The following FA2H variants were observed in gnomAD, a reference collection of about 807,000 sequenced individuals.
The protein encoded by FA2H is fatty acid 2-hydroxylase.
FA2H carries 22 observed loss-of-function variants against 44.9 expected under a neutral mutation model. That is an observed-to-expected ratio of 0.49 (90% confidence interval 0.35 to 0.70). The LOEUF is 0.70. Among genes scored for constraint, FA2H ranks in the 30% least tolerant of loss-of-function variants. The pLI, the probability that FA2H is intolerant of heterozygous loss-of-function variation, is 0.01. For missense variants in FA2H, 501 were observed against 504.9 expected (o/e 0.99, Z 0.07); for synonymous variants, 243 against 213.2 (o/e 1.14, Z -1.22).
chr16:74,725,001 G>C (rs1319100324), intron 4 of FA2H, among the ~76,000 whole-genome samples: 3 of 152,204 alleles, frequency 2.0e-5, no homozygotes, highest in Admixed American at 6.5e-5. Context: ...TGATTGTTAG[G>C]GGAGTGCCGG....
At chr16:74,736,851 T>C (rs1962192927) in intron 2 of FA2H, among the ~76,000 whole-genome samples, 1 of 152,074 alleles carries the variant, frequency 6.6e-6, no homozygotes, top group African/African-American at 2.4e-5. Flanking sequence ...CAGGACCTTG[T>C]GGAGGGGAGG....
chr16:74,730,728 C>G (rs766957253), intron 2 of FA2H, among the ~76,000 whole-genome samples: 59 of 152,212 alleles, frequency 3.9e-4, no homozygotes, highest in Non-Finnish European at 6.3e-4. Flanking sequence ...GCTACAGTAG[C>G]ACTCAGAGCT....
At chr16:74,719,260 G>A in intron 4 of FA2H, 100 bp from the exon 5 acceptor site, 2 of 1,052,824 alleles carry the variant, frequency 1.9e-6, no homozygotes, top group Non-Finnish European at 2.8e-6. Flanking sequence ...GGGAGCTGCT[G>A]CCCTCTGTTG....
At chr16:74,714,896 G>A (rs578186163) in intron 6 of FA2H, among the ~76,000 whole-genome samples, 4 of 150,706 alleles carry the variant, frequency 2.7e-5, no homozygotes, top group South Asian at 4.2e-4. Context: ...GAGTGCACTG[G>A]TGTGATCTTG....
Position 74,719,015 on chromosome 16 carries a change from G to C in FA2H, c.759C>G (p.His253Gln), listed in dbSNP as rs1567633804. ...TGTGGTGCTGGCCGTGCATGACGAA[G>C]TGCAGCATGATGAGGTAATAGCTGT... ...PSDSYYLIML[H>Q]FVMHGQHHKA... Residue 253 changes from histidine to glutamine, a missense_variant, in exon 5 of 7, where the codon CAC (histidine) becomes CAG (glutamine). By Grantham distance (24) the His-to-Gln change is conservative. Transcript: ENST00000219368. The C allele has an allele frequency of 6.2e-7, 1 of 1,613,828 alleles. No individual in the cohort carries two copies. The highest frequency in any genetic ancestry group is 8.5e-7 in the Non-Finnish European group (1 of 1,180,054).
intron 4 of FA2H, among the ~76,000 whole-genome samples, chr16:74,721,076 A>G (rs1454433689): frequency 6.6e-6 from 1 of 152,192 alleles, no homozygotes; most frequent in East Asian, 1.9e-4. Flanking sequence ...CTTGGGTACA[A>G]GCCCAGGAGT....
chr16:74,747,268 G>A (rs1272740163), intron 1 of FA2H, among the ~76,000 whole-genome samples: 4 of 151,794 alleles, frequency 2.6e-5, no homozygotes, highest in African/African-American at 9.7e-5. Context: ...CCGAGATCTC[G>A]CCACTGCACT....
chr16:74,768,786 C>T (rs1962853688), intron 1 of FA2H, among the ~76,000 whole-genome samples: 1 of 152,120 alleles, frequency 6.6e-6, no homozygotes, highest in African/African-American at 2.4e-5. Flanking sequence ...GTCTTACAGA[C>T]CCATGTGTGG....
chr16:74,769,097 CTTTA>C (rs1385242377), intron 1 of FA2H, among the ~76,000 whole-genome samples: 2 of 152,168 alleles, frequency 1.3e-5, no homozygotes, highest in African/African-American at 2.4e-5. Context: ...TCCATATTCA[CTTTA>C]TTTATTTATT....
intron 1 of FA2H, among the ~76,000 whole-genome samples, chr16:74,748,284 A>G (rs192467254): frequency 4.6e-5 from 7 of 152,240 alleles, no homozygotes; most frequent in South Asian, 2.1e-4. Context: ...ACCTTGTTCT[A>G]TTCTGCACTT....
chr16:74,770,738 G>A (rs539373472), intron 1 of FA2H, among the ~76,000 whole-genome samples: 9 of 152,340 alleles, frequency 5.9e-5, no homozygotes, highest in Non-Finnish European at 1.3e-4. Context: ...GGCAGAAGCT[G>A]GCAGCCCAGT....
At chr16:74,756,169 C>T (rs554999506) in intron 1 of FA2H, among the ~76,000 whole-genome samples, 1 of 152,354 alleles carries the variant, frequency 6.6e-6, no homozygotes, top group African/African-American at 2.4e-5. Context: ...CCTTGGTCAT[C>T]CACGCACACG....
intron 4 of FA2H, among the ~76,000 whole-genome samples, chr16:74,722,234 G>A (rs888734955): frequency 4.6e-5 from 7 of 152,088 alleles, no homozygotes; most frequent in African/African-American, 7.2e-5. Context: ...CATCATCAAG[G>A]CTCCTAAAAA....
At chr16:74,745,949 G>A (rs1378610928) in intron 1 of FA2H, among the ~76,000 whole-genome samples, 1 of 152,070 alleles carries the variant, frequency 6.6e-6, no homozygotes, top group African/African-American at 2.4e-5. Flanking sequence ...GGGACTACAG[G>A]CATGCACCAA....
Position 74,740,030 on chromosome 16 carries a change from C to T in FA2H, c.356G>A (p.Trp119Ter). ...CCATCCTATGCCAGGTACCTTGTCC[C>T]AATCCACCACTTTGAACCGTGGTTC... The part of the protein sequence containing the change: ...AMEPRFKVVD[W>*]DKDLVDWRKP... Residue 119 changes from tryptophan (W) to a stop codon, truncating the protein, a stop_gained, in exon 2 of 7, where the codon TGG becomes TAG. Coordinates refer to ENST00000219368, the MANE Select transcript of FA2H (RefSeq NM_024306.5). LOFTEE classifies it high-confidence loss of function. The T allele has an allele frequency of 6.2e-7, 1 of 1,613,122 alleles. No homozygotes were observed. The highest frequency in any genetic ancestry group is 8.5e-7 in the Non-Finnish European group (1 of 1,179,098).
chr16:74,741,832 GTGTGTAT>G (rs1260093869), intron 1 of FA2H, among the ~76,000 whole-genome samples: 6,005 of 85,358 alleles, frequency 0.07, 235 homozygotes, highest in Non-Finnish European at 0.095. Context: ...GTGTGTGTGT[GTGTGTAT>G]GTGTGTGTAT....
intron 2 of FA2H, among the ~76,000 whole-genome samples, chr16:74,736,807 T>A (rs2240252): frequency 3.3e-5 from 5 of 152,054 alleles, no homozygotes; most frequent in South Asian, 2.1e-4. Flanking sequence ...CCTCAGGGTC[T>A]TATTCATGGT....
chr16:74,755,306 A>T (rs1009030202), intron 1 of FA2H, among the ~76,000 whole-genome samples: 3 of 152,080 alleles, frequency 2.0e-5, no homozygotes, highest in Admixed American at 2.0e-4. Context: ...CAGCCTCCAG[A>T]GTAGCTGGGA....
intron 4 of FA2H, among the ~76,000 whole-genome samples, chr16:74,723,515 G>A (rs1006663178): frequency 6.6e-6 from 1 of 152,094 alleles, no homozygotes; most frequent in Non-Finnish European, 1.5e-5. Context: ...GAGGCCAACC[G>A]TCTTCCTCCT....
Sources: allele counts gnomAD v4.1 joint callset (sites outside exome capture counted in the v4.1 genomes callset), GRCh38; gene constraint gnomAD v4.1.1; transcripts MANE v1.5; gene names NCBI Gene and HGNC (gene_info 2026-07-23, HGNC 2026-07-21).